Variants in STOX1 observed in about 807,000 individuals in gnomAD.
STOX1 encodes storkhead box 1.
Under a neutral mutation model 74.8 loss-of-function variants are expected in STOX1, and 57 were observed. That is an observed-to-expected ratio of 0.76 (90% CI 0.62 to 0.95). The LOEUF (loss-of-function observed/expected upper bound fraction) is 0.95. STOX1 is among the 40% of genes least tolerant of loss of function. The probability of loss-of-function intolerance (pLI) is 0.00; values close to 1 mark genes in which losing one functional copy is unlikely to be tolerated. For synonymous variants in STOX1, 375 were observed against 401.3 expected (o/e 0.93, Z 0.78); for missense variants, 1,010 against 1,117.0 (o/e 0.90, Z 1.37).
intron 1 of STOX1, among the ~76,000 whole-genome samples, chr10:68,843,533 C>T (rs929938410): frequency 6.6e-5 from 10 of 151,804 alleles, no homozygotes; most frequent in South Asian, 2.1e-4. Flanking sequence ...TTTTTGTTAC[C>T]GGTTTTTTTG....
At chr10:68,875,134 T>C (rs1344305234) in intron 1 of STOX1, among the ~76,000 whole-genome samples, 1 of 152,244 alleles carries the variant, frequency 6.6e-6, no homozygotes, top group Admixed American at 6.5e-5. Context: ...ATTGTTGCCC[T>C]GTGTCAGACC....
chr10:68,861,321 G>A (rs369718194), intron 1 of STOX1, among the ~76,000 whole-genome samples: 1 of 152,086 alleles, frequency 6.6e-6, no homozygotes, highest in Non-Finnish European at 1.5e-5. Flanking sequence ...AAAGGGACAG[G>A]GTCTGGCTTT....
In STOX1 at chr10:68,885,889, G is replaced by C. The variant is rs1195175619; in HGVS notation, c.2093G>C (p.Gly698Ala). 6.2e-7 allele frequency: 1 copy of C among 1,614,128 alleles called. No homozygotes were observed. Among genetic ancestry groups the C allele is most frequent in the East Asian group, 2.2e-5 (1 of 44,886 alleles). ...DKDSEELLRK[G>A]FVQDAETTSL... Reference sequence around the variant, plus strand: ...GACTCAGAAGAATTATTGAGAAAAGGATTTGTCCAGGATGCAGAGACTACA... The same window carrying C: ...GACTCAGAAGAATTATTGAGAAAAGCATTTGTCCAGGATGCAGAGACTACA... The change falls in exon 3 of 4, where the codon GGA (glycine) becomes GCA (alanine). Residue 698 changes from glycine (G) to alanine (A), a missense_variant. By Grantham distance (60) the Gly-to-Ala change is moderately conservative. Transcript: ENST00000298596.
At chr10:68,869,563 G>A (rs577651810) in intron 1 of STOX1, among the ~76,000 whole-genome samples, 9 of 152,206 alleles carry the variant, frequency 5.9e-5, no homozygotes, top group African/African-American at 1.7e-4. Context: ...TGTAGGTGGG[G>A]GATACAGGGA....
In STOX1 at chr10:68,885,831, A is replaced by C; in HGVS notation, c.2035A>C (p.Asn679His). 6.2e-7 allele frequency: 1 copy of C among 1,614,086 alleles called. No individual in the cohort carries two copies. Among genetic ancestry groups the C allele is most frequent in the Non-Finnish European group, 8.5e-7 (1 of 1,180,026 alleles). Reference sequence around the variant, plus strand: ...CCTTTTGGATTACCCAGTTGGCGTGAACCCTTTAAGACAAGCTGCAAGACA... The same window carrying C: ...CCTTTTGGATTACCCAGTTGGCGTGCACCCTTTAAGACAAGCTGCAAGACA... ...LGLLDYPVGV[N>H]PLRQAARQDK... The change falls in exon 3 of 4, where the codon AAC (asparagine) becomes CAC (histidine). Residue 679 changes from asparagine (N) to histidine (H), a missense_variant. Physicochemically the swap from Asn to His is moderately conservative, Grantham distance 68. Transcript: ENST00000298596.
intron 1 of STOX1, among the ~76,000 whole-genome samples, chr10:68,880,803 C>T (rs1339190253): frequency 6.6e-6 from 1 of 152,120 alleles, no homozygotes; most frequent in Non-Finnish European, 1.5e-5. Flanking sequence ...AAGCAATTCT[C>T]CTGCCTCAGC....
At chr10:68,870,445 G>A (rs1379746927) in intron 1 of STOX1, among the ~76,000 whole-genome samples, 1 of 152,160 alleles carries the variant, frequency 6.6e-6, no homozygotes, top group Non-Finnish European at 1.5e-5. Context: ...TGCCCCCAAC[G>A]CTTGTAACTG....
At chr10:68,854,544 C>T (rs1840074050) in intron 1 of STOX1, among the ~76,000 whole-genome samples, 1 of 152,030 alleles carries the variant, frequency 6.6e-6, no homozygotes, top group African/African-American at 2.4e-5. Flanking sequence ...GGAATCTGCC[C>T]ACCTTGGCCT....
intron 1 of STOX1, among the ~76,000 whole-genome samples, chr10:68,880,164 CTTTTTTTTT>C (rs71028800): frequency 1.6e-5 from 2 of 124,416 alleles, no homozygotes; most frequent in African/African-American, 5.6e-5. Flanking sequence ...TCTTTCTTTC[CTTTTTTTTT>C]TTTTTTTTTG....
rs200446359 is a variant in STOX1 at position 68,885,593 on chromosome 10, C to G, written c.1797C>G (p.Pro599=). The change falls in exon 3 of 4, where the codon CCC becomes CCG. Residue 599 remains proline, a synonymous_variant. Transcript: ENST00000298596. ...TGCAAAATGATGGTAAATGCTGTCC[C>G]TTTATGGAAAGCATGTTGAGATATG... ...SMLQNDGKCC[P]FMESMLRYEV... 1 of 1,614,128 alleles carries G rather than the reference C, an allele frequency of 6.2e-7. No individual in the cohort carries two copies. Among genetic ancestry groups the G allele is most frequent in the Non-Finnish European group, 8.5e-7 (1 of 1,180,022 alleles).
At position 68,892,710 on chromosome 10, in the gene STOX1, C is replaced by T; in HGVS notation, c.2944C>T (p.Pro982Ser). The T allele has an allele frequency of 6.2e-7, 1 of 1,613,964 alleles. No homozygotes were observed. The highest frequency in any genetic ancestry group is 8.5e-7 in the Non-Finnish European group (1 of 1,179,932). ...SQPLTSNSLL[P>S]LTPVINV is the part of the protein sequence containing the mutation. ...ACCACTCACATCTAATTCCTTACTA[C>T]CGCTAACTCCAGTCATAAACGTTTA... The change falls in exon 4 of 4, where the codon CCG (proline) becomes TCG (serine). Residue 982 changes from proline (P) to serine (S), a missense_variant. Transcript: ENST00000298596.
chr10:68,843,947 G>A lies in STOX1; in HGVS notation c.310+16014G>A, dbSNP rs191926592. 7.9e-3 allele frequency among the ~76,000 whole-genome samples: 1,196 copies of A among 152,138 alleles called. 12 individuals carry two copies. The highest frequency in any genetic ancestry group is 0.027 in the African/African-American group (1,126 of 41,562). On this transcript the variant is annotated intron_variant, in intron 1 of 3. Coordinates refer to ENST00000298596, the MANE Select transcript of STOX1 (RefSeq NM_152709.5). ...TGTAATCCCAGCACTTTGGGAGGCC[G>A]AGGCGGGTGGATCACAAGGTCAGGA...
At chr10:68,855,019 G>A (rs1215449343) in intron 1 of STOX1, among the ~76,000 whole-genome samples, 1 of 152,042 alleles carries the variant, frequency 6.6e-6, no homozygotes, top group Admixed American at 6.5e-5. Flanking sequence ...TTGGGATGCT[G>A]AGGTGAGAGG....
At chr10:68,870,696 G>A (rs887428475) in intron 1 of STOX1, among the ~76,000 whole-genome samples, 4 of 152,214 alleles carry the variant, frequency 2.6e-5, no homozygotes, top group Non-Finnish European at 5.9e-5. Flanking sequence ...GTCAGAGAGT[G>A]TGGGCAGATT....
At chr10:68,828,311 T>C in intron 1 of STOX1, 1 of 1,136,794 alleles carries the variant, frequency 8.8e-7, no homozygotes, top group Non-Finnish European at 1.1e-6. Context: ...CCGCGCCAGC[T>C]GTGAGCGCGG....
At chr10:68,874,310 A>T (rs991283838) in intron 1 of STOX1, among the ~76,000 whole-genome samples, 5 of 151,956 alleles carry the variant, frequency 3.3e-5, no homozygotes, top group Admixed American at 2.6e-4. Context: ...TTAAGTACAA[A>T]ACCCTGACCT....
chr10:68,861,327 G>A lies in STOX1; in HGVS notation c.311-20631G>A, dbSNP rs1451521382. Among the ~76,000 whole-genome samples the A allele has an allele frequency of 7.2e-5, 11 of 152,218 alleles. No individual in the cohort carries two copies. In the East Asian group the frequency reaches 1.9e-3, roughly 27 times the overall value. Reference sequence around the variant, plus strand: ...CAGAAGAACAAAGGGACAGGGTCTGGCTTTTTATCTGCAGCAGGAACATGT... The same window carrying A: ...CAGAAGAACAAAGGGACAGGGTCTGACTTTTTATCTGCAGCAGGAACATGT... On this transcript the variant is annotated intron_variant, in intron 1 of 3. Coordinates refer to ENST00000298596, the MANE Select transcript of STOX1 (RefSeq NM_152709.5).
chr10:68,831,691 A>G (rs921183153), intron 1 of STOX1, among the ~76,000 whole-genome samples: 1 of 152,074 alleles, frequency 6.6e-6, no homozygotes, highest in Non-Finnish European at 1.5e-5. Flanking sequence ...GAGTGACTGG[A>G]GCCCCAGTTG....
chr10:68,840,034 A>G (rs1428269022), intron 1 of STOX1, among the ~76,000 whole-genome samples: 1 of 152,212 alleles, frequency 6.6e-6, no homozygotes, highest in African/African-American at 2.4e-5. Flanking sequence ...ATAAACCCAC[A>G]CATATACAGT....
Sources: allele counts gnomAD v4.1 joint callset (sites outside exome capture counted in the v4.1 genomes callset), GRCh38; gene constraint gnomAD v4.1.1; transcripts MANE v1.5; gene names NCBI Gene and HGNC (gene_info 2026-07-23, HGNC 2026-07-21).